COMMD1: variants seen among roughly 807,000 people sequenced by gnomAD.
COMMD1 encodes the protein copper metabolism domain containing 1, also known as COMM domain-containing protein 1.
A neutral mutation model predicts 17.2 loss-of-function variants in COMMD1; 10 were observed. That is an observed-to-expected ratio of 0.58 (90% CI 0.36 to 0.99). The LOEUF (loss-of-function observed/expected upper bound fraction) is 0.99, where lower values mean the gene tolerates loss of function less well. Ranked by LOEUF, COMMD1 falls within the 50% of genes least tolerant of loss-of-function variation. The pLI is 0.01. For missense variants in COMMD1, 270 were observed against 231.8 expected (o/e 1.17, Z -1.07); for synonymous variants, 97 against 91.6 (o/e 1.06, Z -0.34).
At chr2:62,077,605 A>G (rs989139736) in intron 2 of COMMD1, among the ~76,000 whole-genome samples, 1 of 152,064 alleles carries the variant, frequency 6.6e-6, no homozygotes. Context: ...TGGGATTGCA[A>G]ATTTCAGGAC....
chr2:61,901,563 C>T (rs28513770), upstream of COMMD1, among the ~76,000 whole-genome samples: 9,735 of 152,078 alleles, frequency 0.064, 569 homozygotes, highest in African/African-American at 0.15. Context: ...GTGGAAGTTG[C>T]AGTGAGTAGA....
At chr2:61,911,432 C>A (rs1257248981) in intron 1 of COMMD1, among the ~76,000 whole-genome samples, 2 of 152,048 alleles carry the variant, frequency 1.3e-5, no homozygotes, top group Non-Finnish European at 2.9e-5. Context: ...GCCGGGATGG[C>A]ACCATTGCAC....
rs144320511 is a variant in COMMD1 at position 61,929,768 on chromosome 2, C to A, written c.180+23910C>A. ...ACAACATAATGAGACCTGGTCTTTA[C>A]AAAAAATTAGTTGGGTATGGTGGTG... On this transcript the variant is annotated intron_variant, in intron 1 of 2. Transcript: ENST00000311832. Among the ~76,000 whole-genome samples the A allele has an allele frequency of 8.0e-3, 1,223 of 152,048 alleles. 24 individuals carry two copies. Among genetic ancestry groups the A allele is most frequent in the African/African-American group, 0.029 (1,186 of 41,484 alleles).
At chr2:62,059,181 A>C (rs1670788748) in intron 2 of COMMD1, among the ~76,000 whole-genome samples, 1 of 151,710 alleles carries the variant, frequency 6.6e-6, no homozygotes, top group Admixed American at 6.6e-5. Context: ...TTTGGAGACA[A>C]GGTCTTGCTT....
chr2:62,131,000 A>T (rs992661940), intron 2 of COMMD1, among the ~76,000 whole-genome samples: 7 of 152,226 alleles, frequency 4.6e-5, no homozygotes. Context: ...AGTGGTTACC[A>T]GGGAAGGAGT....
At chr2:61,912,263 A>T (rs1280766961) in intron 1 of COMMD1, among the ~76,000 whole-genome samples, 1 of 152,168 alleles carries the variant, frequency 6.6e-6, no homozygotes, top group Non-Finnish European at 1.5e-5. Flanking sequence ...AGTTTGTAGA[A>T]TAAGTGAATG....
chr2:61,905,721 C>A lies in COMMD1; in HGVS notation c.43C>A (p.Leu15Met). ...ELEGGKPLSG[L>M]LNALAQDTFH... ...TGAGGGTGGCAAACCCCTGAGCGGG[C>A]TGCTGAATGCGCTGGCCCAGGACAC... The change falls in exon 1 of 3, where the codon CTG (leucine) becomes ATG (methionine). Residue 15 changes from leucine to methionine, a missense_variant. Transcript: ENST00000311832. 3.1e-6 allele frequency: 5 copies of A among 1,607,680 alleles called. No homozygotes were observed. The highest frequency in any genetic ancestry group is 2.5e-6 in the Non-Finnish European group (3 of 1,176,608).
chr2:62,097,088 C>G (rs1672033662), intron 2 of COMMD1, among the ~76,000 whole-genome samples: 1 of 152,124 alleles, frequency 6.6e-6, no homozygotes, highest in Non-Finnish European at 1.5e-5. Flanking sequence ...AGAGAAGTGG[C>G]TGGCAGTGAT....
chr2:61,888,434 T>C (rs780246263), upstream of COMMD1: 2 of 1,612,290 alleles, frequency 1.2e-6, no homozygotes, highest in Admixed American at 1.7e-5. Context: ...GTCGCGGTCC[T>C]GATAGGCGCC....
At chr2:62,116,645 C>G (rs1672612121) in intron 2 of COMMD1, among the ~76,000 whole-genome samples, 1 of 132,330 alleles carries the variant, frequency 7.6e-6, no homozygotes. Context: ...GCACTCCAGC[C>G]TGGGCGACAG....
chr2:62,094,293 G>A (rs1671935348), intron 2 of COMMD1, among the ~76,000 whole-genome samples: 1 of 152,176 alleles, frequency 6.6e-6, no homozygotes, highest in Non-Finnish European at 1.5e-5. Context: ...TGTAGTGAGA[G>A]CTTAGAAGAG....
intron 2 of COMMD1, among the ~76,000 whole-genome samples, chr2:62,121,660 C>G (rs1293146584): frequency 6.6e-6 from 1 of 151,322 alleles, no homozygotes; most frequent in African/African-American, 2.4e-5. Context: ...ATTGCTGGAA[C>G]CGGGGAGGTG....
chr2:61,963,332 C>A (rs1671417432), intron 1 of COMMD1, among the ~76,000 whole-genome samples: 1 of 151,722 alleles, frequency 6.6e-6, no homozygotes, highest in African/African-American at 2.4e-5. Context: ...GTAGTGGGAA[C>A]CCCTGAATTT....
chr2:62,116,259 C>T (rs936198995), intron 2 of COMMD1, among the ~76,000 whole-genome samples: 1 of 152,210 alleles, frequency 6.6e-6, no homozygotes, highest in African/African-American at 2.4e-5. Flanking sequence ...ACTAAGGCAT[C>T]TCAGCCAGGA....
chr2:62,092,815 T>C (rs1671870958), intron 2 of COMMD1, among the ~76,000 whole-genome samples: 1 of 152,184 alleles, frequency 6.6e-6, no homozygotes, highest in African/African-American at 2.4e-5. Flanking sequence ...CCTGTTACGA[T>C]TTCACAGGGC....
At chr2:62,125,253 G>A (rs1378056327) in intron 2 of COMMD1, among the ~76,000 whole-genome samples, 1 of 152,248 alleles carries the variant, frequency 6.6e-6, no homozygotes, top group East Asian at 1.9e-4. Context: ...CTGAGGCACT[G>A]CTCTGTTCAT....
intron 1 of COMMD1, among the ~76,000 whole-genome samples, chr2:61,909,342 G>T (rs1669848062): frequency 6.6e-6 from 1 of 152,178 alleles, no homozygotes; most frequent in Non-Finnish European, 1.5e-5. Flanking sequence ...ATAGAATTGT[G>T]AGTAAGCACC....
chr2:62,127,230 CACAA>C (rs1672909096), intron 2 of COMMD1, among the ~76,000 whole-genome samples: 2 of 152,076 alleles, frequency 1.3e-5, no homozygotes, highest in African/African-American at 4.8e-5. Flanking sequence ...TCAGAGAGGA[CACAA>C]ACAAATGGAA....
chr2:62,129,424 A>C (rs552222795), intron 2 of COMMD1, among the ~76,000 whole-genome samples: 23 of 152,262 alleles, frequency 1.5e-4, no homozygotes, highest in African/African-American at 5.1e-4. Flanking sequence ...GAAAATATAA[A>C]ATTTTAATTG....
Sources: allele counts gnomAD v4.1 joint callset (sites outside exome capture counted in the v4.1 genomes callset), GRCh38; gene constraint gnomAD v4.1.1; transcripts MANE v1.5; gene names NCBI Gene and HGNC (gene_info 2026-07-23, HGNC 2026-07-21).